Variants in ADAM22 observed in about 807,000 individuals in gnomAD.
ADAM22 encodes the protein disintegrin and metalloproteinase domain-containing protein 22.
In ADAM22, 65 loss-of-function variants were observed where a neutral mutation model predicts 144.6. The observed-to-expected ratio is 0.45, with a 90% CI of 0.37 to 0.55. The LOEUF is 0.55. Among genes scored for constraint, ADAM22 ranks in the 20% least tolerant of loss-of-function variants. The probability of loss-of-function intolerance (pLI) is 0.00; values close to 1 mark genes in which losing one functional copy is unlikely to be tolerated. For missense variants in ADAM22, 974 were observed against 1,184.9 expected (o/e 0.82, Z 2.61); for synonymous variants, 391 against 412.6 (o/e 0.95, Z 0.63).
rs76014437 is a variant in ADAM22 at position 87,961,112 on chromosome 7, G to A, written c.247-17224G>A. On this transcript the variant is annotated intron_variant, in intron 2 of 31. Transcript: ENST00000413139. ...GTGCAGGGGAGTGTAGGGGGCATAC[G>A]TTGTAATTTCTAGTAGGGTAGTCCG... Among the ~76,000 whole-genome samples, 1,120 of 152,206 alleles carry A rather than the reference G, an allele frequency of 7.4e-3. 9 individuals are homozygous for A. Among genetic ancestry groups the A allele is most frequent in the Middle Eastern group, 0.02 (6 of 294 alleles).
chr7:88,035,001 G>C (rs1397869929), intron 3 of ADAM22, among the ~76,000 whole-genome samples: 1 of 152,092 alleles, frequency 6.6e-6, no homozygotes, highest in Non-Finnish European at 1.5e-5. Flanking sequence ...CCTGATTCTT[G>C]GTTCTTATGT....
intron 5 of ADAM22, among the ~76,000 whole-genome samples, chr7:88,109,609 A>G (rs1308044219): frequency 6.6e-6 from 1 of 152,004 alleles, no homozygotes; most frequent in Admixed American, 6.6e-5. Context: ...CAGCCCTAGG[A>G]ATATTAAGGC....
At chr7:88,165,135 T>C (rs1842651918) in intron 23 of ADAM22, among the ~76,000 whole-genome samples, 1 of 152,132 alleles carries the variant, frequency 6.6e-6, no homozygotes, top group African/African-American at 2.4e-5. Context: ...CCTGCTTCTC[T>C]ACTCAAGGTT....
intron 2 of ADAM22, among the ~76,000 whole-genome samples, chr7:87,976,593 G>A (rs897410440): frequency 2.0e-5 from 3 of 152,166 alleles, no homozygotes; most frequent in African/African-American, 7.2e-5. Context: ...AGTCCTAGAC[G>A]ACTATAGGTG....
chr7:87,981,667 A>C (rs1197079842), intron 3 of ADAM22, among the ~76,000 whole-genome samples: 1 of 152,058 alleles, frequency 6.6e-6, no homozygotes, highest in Non-Finnish European at 1.5e-5. Flanking sequence ...CCAATTAGTT[A>C]CCTCTTGCTT....
intron 26 of ADAM22, among the ~76,000 whole-genome samples, chr7:88,175,951 A>C (rs1845543532): frequency 6.6e-6 from 1 of 152,080 alleles, no homozygotes. Context: ...AGGATGTTAA[A>C]CATTATTATT....
chr7:88,070,065 G>A (rs17150182), intron 3 of ADAM22, among the ~76,000 whole-genome samples: 5,237 of 152,080 alleles, frequency 0.034, 296 homozygotes, highest in African/African-American at 0.12. Context: ...TCACTATAAA[G>A]AGTTTGAACT....
intron 2 of ADAM22, among the ~76,000 whole-genome samples, chr7:87,966,730 T>TTTTTTG (rs1849180220): frequency 7.8e-6 from 1 of 128,668 alleles, no homozygotes; most frequent in Admixed American, 7.6e-5. Context: ...CGTTTTTTTT[T>TTTTTTG]TTTTTTTTTT....
At chr7:88,039,458 A>AC (rs1294657913) in intron 3 of ADAM22, among the ~76,000 whole-genome samples, 2 of 78,692 alleles carry the variant, frequency 2.5e-5, no homozygotes, top group African/African-American at 9.6e-5. Context: ...TCAAAAAAAA[A>AC]AAAAAAATAT....
intron 2 of ADAM22, among the ~76,000 whole-genome samples, chr7:87,957,171 A>G (rs1292992370): frequency 2.6e-5 from 4 of 152,112 alleles, no homozygotes; most frequent in African/African-American, 7.2e-5. Context: ...TTGAATCAAC[A>G]TGTGCCTCCT....
intron 3 of ADAM22, among the ~76,000 whole-genome samples, chr7:88,074,545 G>C (rs1052133997): frequency 6.6e-6 from 1 of 152,156 alleles, no homozygotes; most frequent in African/African-American, 2.4e-5. Context: ...TGTCCTGATT[G>C]TTTAATATAC....
chr7:87,957,832 C>T (rs1473812503), intron 2 of ADAM22, among the ~76,000 whole-genome samples: 3 of 152,196 alleles, frequency 2.0e-5, no homozygotes, highest in Non-Finnish European at 2.9e-5. Context: ...ATCTGCCCAC[C>T]TCGGCCTCCC....
At chr7:88,151,227 C>T (rs200865142) in intron 19 of ADAM22, 30 bp from the exon 20 acceptor site, 7 of 1,612,986 alleles carry the variant, frequency 4.3e-6, no homozygotes, top group Admixed American at 3.3e-5. Context: ...GATATTGCAT[C>T]GCTAATGGGT....
At chr7:88,068,286 T>G (rs1183246253) in intron 3 of ADAM22, among the ~76,000 whole-genome samples, 1 of 152,148 alleles carries the variant, frequency 6.6e-6, no homozygotes. Flanking sequence ...GCTCATAATT[T>G]GTTATTCCTC....
chr7:88,175,154 A>G (rs1845322131), intron 26 of ADAM22, among the ~76,000 whole-genome samples: 1 of 152,186 alleles, frequency 6.6e-6, no homozygotes. Context: ...GACTTCTCTC[A>G]TAACAGGACC....
chr7:87,993,566 T>G (rs1790414207), intron 3 of ADAM22, among the ~76,000 whole-genome samples: 1 of 152,198 alleles, frequency 6.6e-6, no homozygotes, highest in Non-Finnish European at 1.5e-5. Flanking sequence ...AGAAAGTCAG[T>G]ATGCCTCAGG....
intron 2 of ADAM22, among the ~76,000 whole-genome samples, chr7:87,956,609 TC>T (rs1846830713): frequency 6.6e-6 from 1 of 152,114 alleles, no homozygotes; most frequent in South Asian, 2.1e-4. Context: ...CCTAACTGCC[TC>T]CCACCCTCAG....
intron 7 of ADAM22, among the ~76,000 whole-genome samples, chr7:88,119,790 A>G (rs1225966792): frequency 2.0e-5 from 3 of 152,208 alleles, no homozygotes; most frequent in Non-Finnish European, 2.9e-5. Context: ...CGCCCGGCCT[A>G]TAACACAATT....
In ADAM22 at chr7:88,197,604, C is replaced by T. The variant is rs566337245; in HGVS notation, c.*1113C>T. 3 of 152,318 alleles carry T rather than the reference C, an allele frequency of 2.0e-5. No homozygotes were observed. The East Asian group carries it at 5.8e-4, about 29-fold the overall frequency. 9.4% of individuals were successfully genotyped at this position (152,318 alleles called of 1,614,324 possible). A position where few individuals can be genotyped will look rare whatever the true frequency, so the allele number is the denominator to read the frequency against. ...GCTTCTGGTTTGCCAATACTCTAAC[C>T]CTTTGTGGCCTGAAGTTTTGTTCCT... On this transcript the variant is annotated 3_prime_UTR_variant, in exon 32 of 32. Transcript: ENST00000413139.
Sources: allele counts gnomAD v4.1 joint callset (sites outside exome capture counted in the v4.1 genomes callset), GRCh38; gene constraint gnomAD v4.1.1; transcripts MANE v1.5; gene names NCBI Gene and HGNC (gene_info 2026-07-23, HGNC 2026-07-21).